CCDC85C: variants seen among roughly 807,000 people sequenced by gnomAD.
CCDC85C encodes coiled-coil domain-containing protein 85C.
A neutral mutation model predicts 38.3 loss-of-function variants in CCDC85C; 18 were observed. The ratio of observed to expected loss-of-function variants is 0.47; its 90% confidence interval spans 0.33 to 0.70. The LOEUF (loss-of-function observed/expected upper bound fraction) is 0.70, where lower values mean the gene tolerates loss of function less well. Among genes scored for constraint, CCDC85C ranks in the 30% least tolerant of loss-of-function variants. CCDC85C has a pLI of 0.03. For missense variants in CCDC85C, 566 were observed against 621.2 expected, an observed-to-expected ratio of 0.91 and a Z score of 0.94; for synonymous variants, 264 against 293.8, an observed-to-expected ratio of 0.90 and a Z score of 1.04.
rs1258553086 is a variant in CCDC85C at position 99,510,175 on chromosome 14, C to A, written c.*5071G>T. 2.5e-6 allele frequency: 4 copies of A among 1,598,486 alleles called. No homozygotes were observed. The highest frequency in any genetic ancestry group is 1.7e-5 in the Admixed American group (1 of 58,918). On this transcript the variant is annotated 3_prime_UTR_variant, in exon 6 of 6. Coordinates refer to ENST00000380243, the MANE Select transcript of CCDC85C (RefSeq NM_001144995.2). ...CCTGCAGACCGGAAGCCTCCCCTCG[C>A]TGCTGCCTTAGGTGAGGCTGAGCCG...
At chr14:99,536,861 A>ACCCC (rs1424160049) in intron 1 of CCDC85C, among the ~76,000 whole-genome samples, 7 of 150,396 alleles carry the variant, frequency 4.7e-5, no homozygotes, top group African/African-American at 1.7e-4. Context: ...TCCCATCCCC[A>ACCCC]CCCCCACGTC....
intron 1 of CCDC85C, among the ~76,000 whole-genome samples, chr14:99,599,975 G>A (rs377252889): frequency 6.6e-6 from 1 of 152,226 alleles, no homozygotes; most frequent in African/African-American, 2.4e-5. Context: ...AGCCAGGGCT[G>A]CCTTGCATAC....
rs746815273 is a variant in CCDC85C at position 99,510,485 on chromosome 14, G to T, written c.*4761C>A. On this transcript the variant is annotated 3_prime_UTR_variant, in exon 6 of 6. Transcript: ENST00000380243. ...ACCCCCATGTCTACCCGCCCAACCC[G>T]CCCCCGCCACCTGTGCCTCCTCCCC... is the stretch of plus-strand genomic sequence containing the variant. The T allele has an allele frequency of 3.2e-6, 2 of 627,038 alleles. No individual in the cohort carries two copies. Among genetic ancestry groups the T allele is most frequent in the East Asian group, 1.0e-4 (1 of 9,870 alleles). 38.8% of individuals were successfully genotyped at this position (627,038 alleles called of 1,614,324 possible). A position where few individuals can be genotyped will look rare whatever the true frequency, so the allele number is the denominator to read the frequency against.
At chr14:99,590,678 T>C (rs1037935495) in intron 1 of CCDC85C, among the ~76,000 whole-genome samples, 9 of 152,132 alleles carry the variant, frequency 5.9e-5, no homozygotes, top group African/African-American at 2.2e-4. Context: ...AGGGGAAGCC[T>C]CTGTTTATGG....
At chr14:99,599,882 TAATAAATA>T (rs939098835) in intron 1 of CCDC85C, among the ~76,000 whole-genome samples, 1 of 152,054 alleles carries the variant, frequency 6.6e-6, no homozygotes, top group Non-Finnish European at 1.5e-5. Flanking sequence ...TCTAAATAAA[TAATAAATA>T]AATAAATAAG....
In CCDC85C at chr14:99,506,961, G is replaced by T. The variant is rs1448028888; in HGVS notation, c.*8285C>A. The T allele has an allele frequency of 2.6e-6, 2 of 766,802 alleles. No individual in the cohort carries two copies. Among genetic ancestry groups the T allele is most frequent in the African/African-American group, 3.4e-5 (2 of 58,694 alleles). 47.5% of individuals were successfully genotyped at this position (766,802 alleles called of 1,614,324 possible). A position where few individuals can be genotyped will look rare whatever the true frequency, so the allele number is the denominator to read the frequency against. ...CTTCTTCAAGTTCCCTTAAAGCCTT[G>T]GTCATCTCTGTTGTTTTTCTCCCAA... On this transcript the variant is annotated 3_prime_UTR_variant, in exon 6 of 6. Coordinates refer to ENST00000380243, the MANE Select transcript of CCDC85C (RefSeq NM_001144995.2).
rs1566769944 is a variant in CCDC85C, at chr14:99,549,581, G to T, written c.794-13493C>A. Among the ~76,000 whole-genome samples the T allele has an allele frequency of 2.6e-5, 4 of 152,340 alleles. No homozygotes were observed. In the East Asian group the frequency reaches 7.7e-4, roughly 29 times the overall value. On this transcript the variant is annotated intron_variant, in intron 1 of 5. Transcript: ENST00000380243. Reference sequence around the variant, plus strand: ...CAGAGAAATGAGGGCAGGAGGCCCAGATAACTCAGAGGACTCAGAGGGCAG... The same window carrying T: ...CAGAGAAATGAGGGCAGGAGGCCCATATAACTCAGAGGACTCAGAGGGCAG...
rs1225026337 is a variant in CCDC85C at position 99,520,934 on chromosome 14, T to A, written c.975+1199A>T. Reference sequence around the variant, plus strand: ...AACTCTGACAGCATTTTATCCGCACTCTCAGGCCTTGAGGCTCGGCCCATG... The same window carrying A: ...AACTCTGACAGCATTTTATCCGCACACTCAGGCCTTGAGGCTCGGCCCATG... On this transcript the variant is annotated intron_variant, in intron 3 of 5. Coordinates refer to ENST00000380243, the MANE Select transcript of CCDC85C (RefSeq NM_001144995.2). This position sits in a 1 kb window ranked among gnomAD's most constrained non-coding sequence, Gnocchi z 4.1. Among the ~76,000 whole-genome samples, 1 of 152,244 alleles carries A rather than the reference T, an allele frequency of 6.6e-6. No homozygotes were observed. Among genetic ancestry groups the A allele is most frequent in the Non-Finnish European group, 1.5e-5 (1 of 68,046 alleles).
rs376791507 is a variant in CCDC85C at position 99,512,428 on chromosome 14, GAAAA to G, written c.*2814_*2817del. The G allele has an allele frequency of 5.9e-5, 8 of 134,504 alleles. No individual in the cohort carries two copies. The highest frequency in any genetic ancestry group is 1.9e-4 in the African/African-American group (7 of 37,292). 8.3% of individuals were successfully genotyped at this position (134,504 alleles called of 1,614,324 possible). A position where few individuals can be genotyped will look rare whatever the true frequency, so the allele number is the denominator to read the frequency against. Reference sequence around the variant, plus strand: ...TCTGCAGTCATGCATTTAGTTTTAAGAAAAAAAAAAAATCAGTAGTATGTATCTT... The same window carrying G: ...TCTGCAGTCATGCATTTAGTTTTAAGAAAAAAAATCAGTAGTATGTATCTT... On this transcript the variant is annotated 3_prime_UTR_variant, in exon 6 of 6. Transcript: ENST00000380243.
intron 2 of CCDC85C, among the ~76,000 whole-genome samples, chr14:99,525,408 A>G (rs7153384): frequency 0.97 from 147,043 of 152,284 alleles, 71,190 homozygotes; most frequent in East Asian, 1. Flanking sequence ...AAGACATGGA[A>G]ACAGAGCCCA....
chr14:99,595,490 G>A (rs930053458), intron 1 of CCDC85C, among the ~76,000 whole-genome samples: 24 of 152,074 alleles, frequency 1.6e-4, no homozygotes, highest in African/African-American at 5.6e-4. Flanking sequence ...CAGGTGATCC[G>A]CCCAGCTCAG....
At chr14:99,578,806 C>T (rs552089540) in intron 1 of CCDC85C, among the ~76,000 whole-genome samples, 1 of 152,316 alleles carries the variant, frequency 6.6e-6, no homozygotes. Flanking sequence ...AAGACCGGAG[C>T]TGGCTTCTCT....
At chr14:99,518,521 G>C (rs1036913983) in intron 3 of CCDC85C, among the ~76,000 whole-genome samples, 2 of 152,036 alleles carry the variant, frequency 1.3e-5, no homozygotes, top group African/African-American at 2.4e-5. Context: ...GGTCTCTGTA[G>C]TGTAGGGAAC....
At chr14:99,531,465 T>C (rs570470332) in intron 2 of CCDC85C, among the ~76,000 whole-genome samples, 7 of 152,118 alleles carry the variant, frequency 4.6e-5, no homozygotes, top group Admixed American at 4.6e-4. Flanking sequence ...GCTGTGTTGA[T>C]GAAATTTTAA....
chr14:99,519,552 AC>A (rs1897275771), intron 3 of CCDC85C, among the ~76,000 whole-genome samples: 1 of 152,188 alleles, frequency 6.6e-6, no homozygotes. Context: ...AAGTGAGGAT[AC>A]CAGTGTGCAC....
intron 1 of CCDC85C, among the ~76,000 whole-genome samples, chr14:99,598,381 C>G (rs114855080): frequency 0.022 from 3,349 of 152,320 alleles, 111 homozygotes; most frequent in African/African-American, 0.076. Flanking sequence ...ACGTGCTGGT[C>G]CTGGGAACTC....
intron 2 of CCDC85C, among the ~76,000 whole-genome samples, chr14:99,526,415 G>A (rs184665202): frequency 2.3e-4 from 35 of 152,356 alleles, no homozygotes; most frequent in African/African-American, 8.4e-4. Context: ...GCTGGGATGG[G>A]AGCCAGGTTG....
rs1379956331 is a variant in CCDC85C at position 99,522,223 on chromosome 14, C to CGAGA, written c.884_885insTCTC (p.Glu295AspfsTer40). The CGAGA allele has an allele frequency of 6.5e-7, 1 of 1,549,302 alleles. No homozygotes were observed. On this transcript the variant is annotated frameshift_variant, in exon 3 of 6. Coordinates refer to ENST00000380243, the MANE Select transcript of CCDC85C (RefSeq NM_001144995.2). LOFTEE classifies it high-confidence loss of function. ...AGAAGCCTTTCCGCAGCGTGCGGAA[C>CGAGA]TCTCCGGAGCCTGCCTGCTGCAGGG...
In CCDC85C at chr14:99,503,526, G is replaced by C; in HGVS notation, c.*11720C>G. On this transcript the variant is annotated 3_prime_UTR_variant, in exon 6 of 6. Coordinates refer to ENST00000380243, the MANE Select transcript of CCDC85C (RefSeq NM_001144995.2). ...GCTGTTCACAGTGACTGCCGTCGCTGATTCTGGTGGTACCTGGATAATCCA... is the reference window on the plus strand; with the variant it reads ...GCTGTTCACAGTGACTGCCGTCGCTCATTCTGGTGGTACCTGGATAATCCA... The C allele has an allele frequency of 8.2e-7, 1 of 1,219,972 alleles. No homozygotes were observed. The allele number at this position is 1,219,972 out of a possible 1,614,324, so 75.6% of individuals were successfully genotyped here.
Sources: gnomAD v4.1 joint callset for allele counts (sites outside exome capture counted in the v4.1 genomes callset) on GRCh38, gnomAD v4.1.1 for gene constraint, Gnocchi (gnomAD v3.1) non-coding constraint, MANE v1.5 for transcripts, NCBI Gene and HGNC (gene_info 2026-07-23, HGNC 2026-07-21) for gene names.